JAK1: variants seen among roughly 807,000 people sequenced by gnomAD.
JAK1 encodes the protein tyrosine-protein kinase JAK1.
In JAK1, 16 loss-of-function variants were observed where a neutral mutation model predicts 136.6. The ratio of observed to expected loss-of-function variants is 0.12; its 90% CI spans 0.08 to 0.18. JAK1 has a LOEUF of 0.18. JAK1 is among the 10% of genes least tolerant of loss of function. The pLI is 1.00. For missense variants in JAK1, 859 were observed against 1,450.1 expected (o/e 0.59, Z 6.62); for synonymous variants, 492 against 519.5 (o/e 0.95, Z 0.72).
At chr1:64,936,756 C>T (rs1291611850) in intron 1 of JAK1, among the ~76,000 whole-genome samples, 3 of 152,172 alleles carry the variant, frequency 2.0e-5, no homozygotes, top group Admixed American at 6.5e-5. Context: ...CTACTTAGAA[C>T]ACCATAAGTG....
At chr1:64,866,103 C>A (rs12093269) in intron 7 of JAK1, among the ~76,000 whole-genome samples, 221 of 152,218 alleles carry the variant, frequency 1.5e-3, no homozygotes, top group Non-Finnish European at 2.7e-3. Context: ...ATAATTGTAA[C>A]GGCTATAATA....
intron 1 of JAK1, among the ~76,000 whole-genome samples, chr1:64,900,965 T>TC (rs1241666030): frequency 3.3e-5 from 5 of 152,160 alleles, no homozygotes; most frequent in African/African-American, 1.2e-4. Flanking sequence ...CATCAAGGTT[T>TC]CCCTGACTTC....
intron 1 of JAK1, among the ~76,000 whole-genome samples, chr1:64,965,524 T>C (rs1380004178): frequency 6.6e-6 from 1 of 152,104 alleles, no homozygotes; most frequent in Admixed American, 6.5e-5. Context: ...GGGGAGTGAC[T>C]TTGGAGGAGT....
In JAK1 at chr1:64,976,984, T is replaced by C. The variant is rs144781642; in HGVS notation, c.-78+67496A>G. Among the ~76,000 whole-genome samples, 5 of 152,334 alleles carry C rather than the reference T, an allele frequency of 3.3e-5. No individual in the cohort carries two copies. In the East Asian group the frequency reaches 9.7e-4, roughly 29 times the overall value. On this transcript the variant is annotated intron_variant, in intron 2 of 25. Coordinates refer to the JAK1 transcript ENST00000671954. ...TATACTTCTCTTGGGCAATGTTCCT[T>C]ATCACTTACATACCTGATTGTATTT...
chr1:65,037,737 G>A (rs950448177), intron 2 of JAK1, among the ~76,000 whole-genome samples: 1 of 152,094 alleles, frequency 6.6e-6, no homozygotes, highest in Non-Finnish European at 1.5e-5. Flanking sequence ...GGTGGCATGT[G>A]CCTATAGTCT....
At chr1:64,948,301 C>T (rs1646023607) in intron 1 of JAK1, among the ~76,000 whole-genome samples, 1 of 152,208 alleles carries the variant, frequency 6.6e-6, no homozygotes, top group Non-Finnish European at 1.5e-5. Flanking sequence ...TAGTGCTAGG[C>T]TCTGCAGATT....
chr1:64,989,433 A>G (rs992832228), intron 2 of JAK1: 4 of 152,084 alleles, frequency 2.6e-5, no homozygotes, highest in Admixed American at 2.6e-4. Flanking sequence ...TCCACACCTT[A>G]CCTTGCAATG....
chr1:65,065,990 G>A (rs1013093313), intron 1 of JAK1, among the ~76,000 whole-genome samples: 20 of 152,024 alleles, frequency 1.3e-4, no homozygotes, highest in Admixed American at 3.3e-4. Flanking sequence ...CCGGGGGAAA[G>A]GGGGGCTGGG....
chr1:64,985,220 T>G, intron 2 of JAK1: 2 of 1,592,536 alleles, frequency 1.3e-6, no homozygotes, highest in Non-Finnish European at 1.7e-6. Context: ...AGATTCCTGT[T>G]GAGTAATAGA....
At chr1:64,913,047 C>G (rs1645311437) in intron 1 of JAK1, among the ~76,000 whole-genome samples, 1 of 152,126 alleles carries the variant, frequency 6.6e-6, no homozygotes, top group Admixed American at 6.5e-5. Context: ...TGAGACAGGT[C>G]TCACTCTGTC....
chr1:64,985,268 G>C (rs1337752543), intron 2 of JAK1: 1 of 1,608,202 alleles, frequency 6.2e-7, no homozygotes, highest in South Asian at 1.1e-5. Flanking sequence ...GAGAGAGCTG[G>C]AGCATGATGG....
At chr1:64,986,680 C>T (rs561113381) in intron 2 of JAK1, among the ~76,000 whole-genome samples, 3 of 152,148 alleles carry the variant, frequency 2.0e-5, no homozygotes, top group Admixed American at 6.5e-5. Context: ...ATCACTTGAG[C>T]CCAGGTGTTA....
chr1:64,906,866 G>T (rs368793460), intron 1 of JAK1, among the ~76,000 whole-genome samples: 37 of 152,202 alleles, frequency 2.4e-4, no homozygotes, highest in Admixed American at 1.8e-3. Context: ...AGCTTTAAAG[G>T]AAAAACGGAG....
At chr1:64,868,975 G>GAAGGATTT (rs1656894378) in intron 6 of JAK1, among the ~76,000 whole-genome samples, 1 of 152,090 alleles carries the variant, frequency 6.6e-6, no homozygotes, top group Non-Finnish European at 1.5e-5. Context: ...TTTTAAGATG[G>GAAGGATTT]GTCCAAAACA....
intron 1 of JAK1, among the ~76,000 whole-genome samples, chr1:64,962,991 G>GA (rs1646310257): frequency 6.6e-6 from 1 of 152,188 alleles, no homozygotes; most frequent in Non-Finnish European, 1.5e-5. Flanking sequence ...AGAATCACTT[G>GA]AACCTGGGAG....
chr1:64,909,052 T>C (rs1035987196), intron 1 of JAK1, among the ~76,000 whole-genome samples: 7 of 152,254 alleles, frequency 4.6e-5, no homozygotes, highest in African/African-American at 1.7e-4. Context: ...GAGATTCTAC[T>C]GCTACTGCTA....
intron 2 of JAK1, among the ~76,000 whole-genome samples, chr1:65,031,905 A>C (rs1647026744): frequency 6.6e-6 from 1 of 152,064 alleles, no homozygotes; most frequent in Non-Finnish European, 1.5e-5. Flanking sequence ...TTTGTATCTC[A>C]AAGACCCTCT....
intron 1 of JAK1, among the ~76,000 whole-genome samples, chr1:64,946,287 T>C (rs1160325553): frequency 1.3e-5 from 2 of 152,148 alleles, no homozygotes; most frequent in Non-Finnish European, 2.9e-5. Flanking sequence ...CACCTACCAC[T>C]GGCTATGTGT....
intron 1 of JAK1, among the ~76,000 whole-genome samples, chr1:64,943,793 G>A (rs1290064879): frequency 5.3e-5 from 8 of 150,842 alleles, no homozygotes; most frequent in Admixed American, 4.6e-4. Flanking sequence ...TGTACCATAT[G>A]TGACAGAAAA....
Sources: allele counts gnomAD v4.1 joint callset (sites outside exome capture counted in the v4.1 genomes callset), GRCh38; gene constraint gnomAD v4.1.1; transcripts MANE v1.5; gene names NCBI Gene and HGNC (gene_info 2026-07-23, HGNC 2026-07-21).